Variants in GABBR2 observed in about 807,000 individuals in gnomAD.
The protein encoded by GABBR2 is G-protein coupled receptor 51.
Under a neutral mutation model 105.6 loss-of-function variants are expected in GABBR2, and 23 were observed. That is an observed-to-expected ratio of 0.22 (90% confidence interval 0.16 to 0.31). The LOEUF (loss-of-function observed/expected upper bound fraction) is 0.31. Ranked by LOEUF, GABBR2 falls within the 10% of genes least tolerant of loss-of-function variation. The pLI, the probability that GABBR2 is intolerant of heterozygous loss-of-function variation, is 1.00. For missense variants in GABBR2, 734 were observed against 1,245.5 expected (o/e 0.59, Z 6.18); for synonymous variants, 478 against 499.7 (o/e 0.96, Z 0.58).
chr9:98,356,455 A>C (rs535021), intron 13 of GABBR2, among the ~76,000 whole-genome samples: 83,992 of 152,046 alleles, frequency 0.55, 25,316 homozygotes, highest in Admixed American at 0.67. Context: ...AATTATAACA[A>C]TGAGATACAA....
intron 2 of GABBR2, among the ~76,000 whole-genome samples, chr9:98,575,087 A>ACCC (rs60542139): frequency 2.0e-5 from 3 of 150,134 alleles, no homozygotes; most frequent in Admixed American, 6.7e-5. Flanking sequence ...AAACACCACC[A>ACCC]CCCCCCCCCA....
chr9:98,662,003 C>A (rs1830271913), intron 1 of GABBR2, among the ~76,000 whole-genome samples: 1 of 152,224 alleles, frequency 6.6e-6, no homozygotes, highest in Non-Finnish European at 1.5e-5. Flanking sequence ...TTCAGTTCAA[C>A]TTCTGCTTCA....
At chr9:98,308,917 C>T (rs569760830) in intron 14 of GABBR2, among the ~76,000 whole-genome samples, 8 of 152,226 alleles carry the variant, frequency 5.3e-5, no homozygotes, top group Non-Finnish European at 7.3e-5. Context: ...GGGCGAGCGC[C>T]CCATCACTGG....
chr9:98,644,854 A>G (rs1162168440), intron 1 of GABBR2, among the ~76,000 whole-genome samples: 3 of 152,150 alleles, frequency 2.0e-5, no homozygotes, highest in Non-Finnish European at 4.4e-5. Flanking sequence ...ATAAAAAACA[A>G]AAGAAGATAC....
At chr9:98,291,934 T>C (rs1830308811) in intron 18 of GABBR2, among the ~76,000 whole-genome samples, 1 of 152,220 alleles carries the variant, frequency 6.6e-6, no homozygotes, top group Admixed American at 6.5e-5. Context: ...AAGATGGAGC[T>C]GGGTGTGGGT....
chr9:98,505,758 G>A (rs1468486093), intron 3 of GABBR2, among the ~76,000 whole-genome samples: 1 of 152,140 alleles, frequency 6.6e-6, no homozygotes, highest in Non-Finnish European at 1.5e-5. Context: ...TGCCGGCAAG[G>A]AGCACCTGGA....
chr9:98,514,122 G>T (rs1827709390), intron 3 of GABBR2, among the ~76,000 whole-genome samples: 1 of 135,946 alleles, frequency 7.4e-6, no homozygotes. Context: ...GATGAAATTG[G>T]AAATCATCAT....
At chr9:98,467,012 A>G (rs1486789346) in intron 6 of GABBR2, among the ~76,000 whole-genome samples, 1 of 152,182 alleles carries the variant, frequency 6.6e-6, no homozygotes, top group African/African-American at 2.4e-5. Context: ...AGTCAACACA[A>G]AAGAGAATGA....
chr9:98,578,355 A>G (rs891167844), intron 1 of GABBR2, among the ~76,000 whole-genome samples: 1 of 152,132 alleles, frequency 6.6e-6, no homozygotes, highest in Admixed American at 6.5e-5. Flanking sequence ...GAAAAGTCCC[A>G]TAATGCCTCG....
chr9:98,393,029 C>CCCAACCATCCATCCATCCAT (rs796720120), intron 9 of GABBR2, among the ~76,000 whole-genome samples: 14 of 123,156 alleles, frequency 1.1e-4, no homozygotes, highest in Non-Finnish European at 2.0e-4. Flanking sequence ...CATGCATCCA[C>CCCAACCATCCATCCATCCAT]CCATCCATCC....
intron 7 of GABBR2, among the ~76,000 whole-genome samples, chr9:98,427,461 C>G (rs1267834792): frequency 6.6e-6 from 1 of 152,178 alleles, no homozygotes; most frequent in Non-Finnish European, 1.5e-5. Flanking sequence ...GCTCAGCAAC[C>G]CATCCCCCTT....
chr9:98,504,581 C>T (rs1011387217), intron 3 of GABBR2, among the ~76,000 whole-genome samples: 1 of 152,214 alleles, frequency 6.6e-6, no homozygotes, highest in African/African-American at 2.4e-5. Context: ...TCTCAGCTCT[C>T]CTATGGAAGC....
intron 13 of GABBR2, among the ~76,000 whole-genome samples, chr9:98,352,752 G>T (rs1831421682): frequency 6.6e-6 from 1 of 152,114 alleles, no homozygotes; most frequent in South Asian, 2.1e-4. Flanking sequence ...TTGTCCTGGG[G>T]GTAGCCTTCC....
intron 6 of GABBR2, among the ~76,000 whole-genome samples, chr9:98,461,649 G>A (rs1016084187): frequency 1.3e-5 from 2 of 152,158 alleles, no homozygotes; most frequent in African/African-American, 4.8e-5. Flanking sequence ...CACGAGCATG[G>A]GTGGGTGTAT....
chr9:98,351,761 T>C (rs1564027783), intron 13 of GABBR2, among the ~76,000 whole-genome samples: 1 of 152,254 alleles, frequency 6.6e-6, no homozygotes, highest in Non-Finnish European at 1.5e-5. Flanking sequence ...TGTGTTGTCT[T>C]GTATCTCACT....
At chr9:98,523,848 T>C (rs1827911601) in intron 3 of GABBR2, among the ~76,000 whole-genome samples, 1 of 152,152 alleles carries the variant, frequency 6.6e-6, no homozygotes, top group Non-Finnish European at 1.5e-5. Context: ...GCAGATGGAG[T>C]GCTTGATCCA....
intron 1 of GABBR2, among the ~76,000 whole-genome samples, chr9:98,586,461 A>C (rs1829079022): frequency 6.6e-6 from 1 of 152,026 alleles, no homozygotes; most frequent in Non-Finnish European, 1.5e-5. Flanking sequence ...CACTGTGCCC[A>C]GCTAACTTTC....
intron 1 of GABBR2, among the ~76,000 whole-genome samples, chr9:98,697,446 G>A (rs1286281701): frequency 6.6e-6 from 1 of 151,104 alleles, no homozygotes; most frequent in Non-Finnish European, 1.5e-5. Flanking sequence ...AGCGGAGATG[G>A]CGCCACTGCA....
chr9:98,706,136 G>A (rs1830891416), intron 1 of GABBR2, among the ~76,000 whole-genome samples: 1 of 150,750 alleles, frequency 6.6e-6, no homozygotes, highest in African/African-American at 2.4e-5. Flanking sequence ...AGAAGGAGGA[G>A]GAGGAGGGGA....
Sources: gnomAD v4.1 joint callset for allele counts (sites outside exome capture counted in the v4.1 genomes callset) on GRCh38, gnomAD v4.1.1 for gene constraint, MANE v1.5 for transcripts, NCBI Gene and HGNC (gene_info 2026-07-23, HGNC 2026-07-21) for gene names.